The following BAALC variants were observed in gnomAD, a reference collection of about 807,000 sequenced individuals.
BAALC encodes brain and acute leukemia cytoplasmic protein.
BAALC carries 9 observed loss-of-function variants against 15.5 expected under a neutral mutation model. The ratio of observed to expected loss-of-function variants is 0.58; its 90% CI spans 0.35 to 1.02. The LOEUF (loss-of-function observed/expected upper bound fraction) is 1.02. BAALC is among the 50% of genes least tolerant of loss of function. BAALC has a pLI of 0.02. For synonymous variants in BAALC, 80 were observed against 74.6 expected (o/e 1.07, Z -0.37); for missense variants, 201 against 192.4 (o/e 1.04, Z -0.27).
intron 1 of BAALC, chr8:103,208,312 G>T (rs1182916320): frequency 1.3e-5 from 2 of 152,216 alleles, no homozygotes; most frequent in Non-Finnish European, 2.9e-5. Flanking sequence ...AGACTGGGGG[G>T]TTAAGAAACC....
At chr8:103,165,300 T>G (rs1217412247) in intron 1 of BAALC, among the ~76,000 whole-genome samples, 4 of 152,214 alleles carry the variant, frequency 2.6e-5, no homozygotes, top group African/African-American at 7.2e-5. Flanking sequence ...TGGGTGGGAC[T>G]GCAGCAAGCG....
rs1177610337 is a variant in BAALC, at chr8:103,230,057, G to A, written c.*1958G>A. 6.6e-6 allele frequency: 1 copy of A among 152,142 alleles called. No homozygotes were observed. The highest frequency in any genetic ancestry group is 1.5e-5 in the Non-Finnish European group (1 of 68,024). 9.4% of individuals were successfully genotyped at this position (152,142 alleles called of 1,614,324 possible). On this transcript the variant is annotated 3_prime_UTR_variant, in exon 3 of 3. Coordinates refer to ENST00000309982, the MANE Select transcript of BAALC (RefSeq NM_024812.3). ...TTGGAATTTATCACCTTAAGAAAGT[G>A]TCTCTGTTTTATATAGAAACACTTT...
At position 103,168,516 on chromosome 8, in the gene BAALC, T is replaced by G. The variant is rs955561939; in HGVS notation, c.160+27459T>G. ...TGCATTAAAAATATGTGTTTGTTTT[T>G]TTTTTTTTAATGTGAATGCATCACT... On this transcript the variant is annotated intron_variant, in intron 1 of 2. Transcript: ENST00000309982. 2.0e-4 allele frequency among the ~76,000 whole-genome samples: 31 copies of G among 152,254 alleles called. 1 individual carries two copies. Among genetic ancestry groups the G allele is most frequent in the African/African-American group, 7.2e-4 (30 of 41,554 alleles).
At position 103,217,285 on chromosome 8, in the gene BAALC, C is replaced by T. The variant is rs745825821; in HGVS notation, c.327+4200C>T. On this transcript the variant is annotated intron_variant, in intron 2 of 2. Transcript: ENST00000309982. ...CACCAGTCACTGGCCATTCTGAGTC[C>T]CTCAAAGGCCAACGCAAAGGTTTTC... 5.3e-5 allele frequency among the ~76,000 whole-genome samples: 8 copies of T among 152,140 alleles called. 1 individual carries two copies. The highest frequency in any genetic ancestry group is 1.3e-4 in the Admixed American group (2 of 15,282).
chr8:103,207,547 T>G (rs150206458), intron 1 of BAALC, among the ~76,000 whole-genome samples: 3 of 152,328 alleles, frequency 2.0e-5, no homozygotes, highest in African/African-American at 7.2e-5. Flanking sequence ...TGAAGTTGTC[T>G]TCAGTGATCA....
chr8:103,223,081 T>G (rs941706546), intron 2 of BAALC, among the ~76,000 whole-genome samples: 1 of 152,026 alleles, frequency 6.6e-6, no homozygotes, highest in East Asian at 1.9e-4. Flanking sequence ...GGGAGGCTGA[T>G]GCGGGTGGAC....
intron 1 of BAALC, chr8:103,200,754 T>C: frequency 1.4e-6 from 1 of 696,094 alleles, no homozygotes; most frequent in Non-Finnish European, 2.6e-6. Flanking sequence ...CTTGCTGTGT[T>C]CTCACATGGT....
intron 2 of BAALC, among the ~76,000 whole-genome samples, chr8:103,217,860 A>G (rs1345384978): frequency 6.6e-6 from 1 of 152,194 alleles, no homozygotes; most frequent in Non-Finnish European, 1.5e-5. Context: ...GGTGCCAGGC[A>G]CTGTTCCAGT....
At chr8:103,180,241 C>G (rs1811696106) in intron 1 of BAALC, among the ~76,000 whole-genome samples, 1 of 152,198 alleles carries the variant, frequency 6.6e-6, no homozygotes, top group Non-Finnish European at 1.5e-5. Context: ...AAGAGAACAA[C>G]TGGGTAAAAT....
chr8:103,156,525 T>A (rs1811095518), intron 1 of BAALC, among the ~76,000 whole-genome samples: 3 of 152,142 alleles, frequency 2.0e-5, no homozygotes, highest in African/African-American at 7.2e-5. Flanking sequence ...TCAGCACAGG[T>A]CACTGTTGAT....
chr8:103,218,416 C>A (rs1199330172), intron 2 of BAALC, among the ~76,000 whole-genome samples: 1 of 152,106 alleles, frequency 6.6e-6, no homozygotes, highest in Non-Finnish European at 1.5e-5. Context: ...TACTCCCTAC[C>A]TGAGCTCAAC....
At chr8:103,166,989 A>T (rs938996229) in intron 1 of BAALC, among the ~76,000 whole-genome samples, 1 of 152,170 alleles carries the variant, frequency 6.6e-6, no homozygotes, top group South Asian at 2.1e-4. Context: ...ATTTCTAAGA[A>T]TGATACCTGG....
intron 1 of BAALC, chr8:103,202,943 G>C (rs1225218986): frequency 2.6e-5 from 4 of 152,240 alleles, no homozygotes; most frequent in Non-Finnish European, 5.9e-5. Flanking sequence ...GGTAGCACTA[G>C]AGAGAAGGCA....
intron 2 of BAALC, among the ~76,000 whole-genome samples, chr8:103,224,641 C>T (rs1233445014): frequency 1.3e-5 from 2 of 151,654 alleles, no homozygotes; most frequent in Non-Finnish European, 2.9e-5. Flanking sequence ...CCTAAAAGGG[C>T]ACCTAGCTCT....
chr8:103,228,019 A>G lies in BAALC; in HGVS notation c.358A>G (p.Lys120Glu). ...AAGAGATGCTAAGAGAATGCCTGCA[A>G]AAGAAGTCACCATTAATGTAACAGA... ...AKRDAKRMPA[K>E]EVTINVTDSI... is the part of the protein sequence containing the mutation. The change falls in exon 3 of 3, where the codon AAA (lysine) becomes GAA (glutamate). Residue 120 changes from lysine (K) to glutamate (E), a missense_variant. By Grantham distance (56) the Lys-to-Glu change is moderately conservative (BLOSUM62 1). Coordinates refer to ENST00000309982, the MANE Select transcript of BAALC (RefSeq NM_024812.3). 4 of 1,613,684 alleles carry G rather than the reference A, an allele frequency of 2.5e-6. No individual in the cohort carries two copies. Among genetic ancestry groups the G allele is most frequent in the Non-Finnish European group, 3.4e-6 (4 of 1,179,732 alleles).
intron 1 of BAALC, among the ~76,000 whole-genome samples, chr8:103,174,564 T>C (rs1175602662): frequency 6.6e-6 from 1 of 152,226 alleles, no homozygotes; most frequent in African/African-American, 2.4e-5. Flanking sequence ...CCTGGATGAA[T>C]GCATTTGGAA....
At chr8:103,208,432 G>T (rs1050699742) in intron 1 of BAALC, 1 of 152,228 alleles carries the variant, frequency 6.6e-6, no homozygotes, top group Admixed American at 6.5e-5. Context: ...AGATGCCGGG[G>T]ATAGGAGGAG....
chr8:103,178,701 A>G (rs779159704), intron 1 of BAALC, among the ~76,000 whole-genome samples: 14 of 152,070 alleles, frequency 9.2e-5, no homozygotes, highest in Non-Finnish European at 2.1e-4. Context: ...TACTAAAAAT[A>G]CAAAAATTAG....
rs1286627251 is a variant in BAALC at position 103,187,109 on chromosome 8, GC to G, written c.161-25805del. Among the ~76,000 whole-genome samples the G allele has an allele frequency of 2.6e-5, 4 of 152,090 alleles. No individual in the cohort carries two copies. In the East Asian group the frequency reaches 7.7e-4, roughly 29 times the overall value. ...TCTTTCATTTTCTGCTTTAGAAAGT[GC>G]CCCCTCCCTCGATGTTCTTCCTCCC... is the stretch of plus-strand genomic sequence containing the variant. On this transcript the variant is annotated intron_variant, in intron 1 of 2. Transcript: ENST00000309982.
Sources: allele counts gnomAD v4.1 joint callset (sites outside exome capture counted in the v4.1 genomes callset), GRCh38; gene constraint gnomAD v4.1.1; transcripts MANE v1.5; gene names NCBI Gene and HGNC (gene_info 2026-07-23, HGNC 2026-07-21).